The following FAH variants were observed in gnomAD, a reference collection of about 807,000 sequenced individuals.
FAH encodes fumarylacetoacetate hydrolase, also known as fumarylacetoacetase.
FAH carries 47 observed loss-of-function variants against 55.8 expected under a neutral mutation model. That is an observed-to-expected ratio of 0.84 (90% confidence interval 0.67 to 1.07). FAH has a LOEUF of 1.07. FAH is among the 50% of genes least tolerant of loss of function. FAH has a pLI of 0.00. For synonymous variants in FAH, 199 were observed against 207.7 expected, an observed-to-expected ratio of 0.96 and a Z score of 0.36; for missense variants, 495 against 545.9, an observed-to-expected ratio of 0.91 and a Z score of 0.93.
In FAH at chr15:80,153,171, G is replaced by GGGAGTGGAGTGGAGTGGAGT. The variant is rs57837512; in HGVS notation, c.81+60_81+79dup. ...GGGCTTTGGCGTCCGGGCGCGGGGA[G>GGGAGTGGAGTGGAGTGGAGT]GGAGTGGAGTGGAGTGGAGTGGAGT... On this transcript the variant is annotated intron_variant, in intron 1 of 13. Transcript: ENST00000561421. 7,130 of 1,249,732 alleles carry GGGAGTGGAGTGGAGTGGAGT rather than the reference G, an allele frequency of 5.7e-3. 153 individuals carry two copies. The highest frequency in any genetic ancestry group is 0.048 in the African/African-American group (2,767 of 58,012). 77.4% of individuals were successfully genotyped at this position (1,249,732 alleles called of 1,614,324 possible).
At chr15:80,165,172 C>T (rs748178570) in intron 5 of FAH, among the ~76,000 whole-genome samples, 4 of 152,156 alleles carry the variant, frequency 2.6e-5, no homozygotes, top group Non-Finnish European at 4.4e-5. Flanking sequence ...GTGGGTGGAT[C>T]ACAAGGTCAG....
chr15:80,174,550 C>T (rs1266519763), intron 9 of FAH, among the ~76,000 whole-genome samples: 2 of 152,208 alleles, frequency 1.3e-5, no homozygotes, highest in East Asian at 1.9e-4. Flanking sequence ...GGAGTGCAGG[C>T]GTTCTGGCCC....
rs11315019 is a variant in FAH, at chr15:80,167,530, C to CTT, written c.456-504_456-503dup. Among the ~76,000 whole-genome samples, 332 of 110,770 alleles carry CTT rather than the reference C, an allele frequency of 3.0e-3. 1 individual carries two copies. The highest frequency in any genetic ancestry group is 1.0e-2 in the African/African-American group (305 of 30,604). 72.7% of individuals were successfully genotyped at this position (110,770 alleles called of 152,430 possible). On this transcript the variant is annotated intron_variant, in intron 5 of 13. Coordinates refer to ENST00000561421, the MANE Select transcript of FAH (RefSeq NM_000137.4). ...TCTGGGAGTTAGGACATGGCTGTATCTTTTTTTTTTTTTTTTTTTGAGATG... is the reference window on the plus strand; with the variant it reads ...TCTGGGAGTTAGGACATGGCTGTATCTTTTTTTTTTTTTTTTTTTTTGAGATG...
intron 2 of FAH, among the ~76,000 whole-genome samples, chr15:80,158,955 T>C (rs942956982): frequency 1.3e-5 from 2 of 152,104 alleles, no homozygotes; most frequent in African/African-American, 4.8e-5. Flanking sequence ...CTTTTTTAAA[T>C]TAAAAAACCT....
chr15:80,185,947 T>C (rs1364999840), intron 13 of FAH, among the ~76,000 whole-genome samples, 183 bp from the exon 14 acceptor site: 1 of 152,222 alleles, frequency 6.6e-6, no homozygotes, highest in Non-Finnish European at 1.5e-5. Flanking sequence ...CAAGGGCTCC[T>C]GCGTGCAACT....
rs2041068617 is a variant in FAH at position 80,153,215 on chromosome 15, A to ATGGAG, written c.81+85_81+89dup. 7 of 789,664 alleles carry ATGGAG rather than the reference A, an allele frequency of 8.9e-6. No homozygotes were observed. In the South Asian group the frequency reaches 9.4e-5, roughly 11 times the overall value. The allele number at this position is 789,664 out of a possible 1,614,324, so 48.9% of individuals were successfully genotyped here. On this transcript the variant is annotated intron_variant, in intron 1 of 13. Transcript: ENST00000561421. ...GTGGAGTGGAGTGGAGTGGAGTGGA[A>ATGGAG]TGGAGTGGAATGAGGGGCGGGATGG...
chr15:80,159,010 G>T (rs969663938), intron 2 of FAH, among the ~76,000 whole-genome samples: 11 of 152,002 alleles, frequency 7.2e-5, no homozygotes, highest in African/African-American at 1.9e-4. Flanking sequence ...GGCCGATGTG[G>T]GCAGATCACT....
intron 7 of FAH, among the ~76,000 whole-genome samples, chr15:80,171,316 A>G (rs1278904352): frequency 6.9e-6 from 1 of 145,106 alleles, no homozygotes; most frequent in Non-Finnish European, 1.5e-5. Flanking sequence ...ATGCAGCCAT[A>G]AAAAATGATG....
At position 80,173,228 on chromosome 15, in the gene FAH, A is replaced by T. The variant is rs1386934171; in HGVS notation, c.837+84A>T. 3.8e-6 allele frequency: 6 copies of T among 1,573,324 alleles called. No homozygotes were observed. In the Admixed American group the frequency reaches 6.7e-5, roughly 17 times the overall value. On this transcript the variant is annotated intron_variant, in intron 9 of 13. Transcript: ENST00000561421. The stretch of plus-strand genomic sequence containing the variant: ...TGCCCACTGAGTGGACATGCCAGGC[A>T]TGCAGACCATCAGGAGGGAAGCTCT...
At position 80,155,938 on chromosome 15, in the gene FAH, A is replaced by T. The variant is rs897570619; in HGVS notation, c.82-2122A>T. On this transcript the variant is annotated intron_variant, in intron 1 of 13. Transcript: ENST00000561421. Reference sequence around the variant, plus strand: ...CTACTACAAACTTCAAAGAGGAACCAGGAGTACAGGAGGAACATGAAAGTG... The same window carrying T: ...CTACTACAAACTTCAAAGAGGAACCTGGAGTACAGGAGGAACATGAAAGTG... 6.3e-6 allele frequency: 3 copies of T among 477,710 alleles called. No homozygotes were observed. In the East Asian group the frequency reaches 1.7e-4, roughly 27 times the overall value. The allele number at this position is 477,710 out of a possible 1,614,324, so 29.6% of individuals were successfully genotyped here. A position where few individuals can be genotyped will look rare whatever the true frequency, so the allele number is the denominator to read the frequency against.
chr15:80,184,865 G>C (rs1030386522), intron 13 of FAH, among the ~76,000 whole-genome samples: 1 of 151,988 alleles, frequency 6.6e-6, no homozygotes, highest in African/African-American at 2.4e-5. Flanking sequence ...TGAACTCCTA[G>C]CTACCCGTCA....
In FAH at chr15:80,175,033, G is replaced by A. The variant is rs73481171; in HGVS notation, c.855G>A (p.Pro285=). ...PNPKQDPRPL[P]YLCHDEPYTF... The stretch of plus-strand genomic sequence containing the variant: ...CCTCTCAGGACCCCAGGCCCCTGCC[G>A]TATCTGTGCCATGACGAGCCCTACA... Residue 285 remains proline (P), a synonymous_variant, in exon 10 of 14, where the codon CCG becomes CCA. Transcript: ENST00000561421. The A allele has an allele frequency of 1.6e-3, 2,566 of 1,610,780 alleles. 50 individuals are homozygous for A. The African/African-American group carries it at 0.03, about 19-fold the overall frequency.
chr15:80,175,369 C>A (rs1403553123), intron 10 of FAH, among the ~76,000 whole-genome samples: 2 of 152,012 alleles, frequency 1.3e-5, no homozygotes, highest in Non-Finnish European at 2.9e-5. Context: ...CTGCTTGAAT[C>A]CCCTCCCCAG....
intron 11 of FAH, 132 bp downstream of exon 11, chr15:80,177,715 A>G: frequency 2.4e-6 from 2 of 827,698 alleles, no homozygotes; most frequent in South Asian, 1.4e-5. Flanking sequence ...TGGAGCTTCC[A>G]TGGCCTGTCT....
chr15:80,159,901 G>A (rs1390194575), intron 3 of FAH, 24 bp downstream of exon 3: 2 of 1,612,648 alleles, frequency 1.2e-6, no homozygotes, highest in Non-Finnish European at 1.7e-6. Context: ...GGTCATAGGG[G>A]GGATGAGGGG....
intron 9 of FAH, among the ~76,000 whole-genome samples, chr15:80,174,458 A>G (rs1036559045): frequency 1.3e-5 from 2 of 152,348 alleles, no homozygotes; most frequent in Admixed American, 6.5e-5. Flanking sequence ...ACACTGTTTC[A>G]TAACCATTAG....
At chr15:80,161,988 G>A (rs1172502040) in intron 4 of FAH, among the ~76,000 whole-genome samples, 4 of 152,228 alleles carry the variant, frequency 2.6e-5, no homozygotes, top group Non-Finnish European at 5.9e-5. Context: ...TCAGCCACTT[G>A]GTGTTCACAT....
Position 80,160,422 on chromosome 15 carries a change from C to T in FAH, c.327C>T (p.Ser109=). Residue 109 remains serine (S), a synonymous_variant, in exon 4 of 14, where the codon TCC becomes TCT. Transcript: ENST00000561421. ...DTELRKCAFI[S]QASATMHLPA... ...TTCTGTGTTTCAGTGCATTCATCTC[C>T]CAGGCTTCTGCCACGATGCACCTTC... is the stretch of plus-strand genomic sequence containing the variant. 1 of 1,614,214 alleles carries T rather than the reference C, an allele frequency of 6.2e-7. No homozygotes were observed. Among genetic ancestry groups the T allele is most frequent in the Non-Finnish European group, 8.5e-7 (1 of 1,180,038 alleles).
At chr15:80,175,630 C>T (rs909690295) in intron 10 of FAH, among the ~76,000 whole-genome samples, 1 of 152,236 alleles carries the variant, frequency 6.6e-6, no homozygotes, top group Non-Finnish European at 1.5e-5. Flanking sequence ...ACAGGGCCCA[C>T]ATCTCCCTGT....
Sources: gnomAD v4.1 joint callset for allele counts (sites outside exome capture counted in the v4.1 genomes callset) on GRCh38, gnomAD v4.1.1 for gene constraint, MANE v1.5 for transcripts, NCBI Gene and HGNC (gene_info 2026-07-23, HGNC 2026-07-21) for gene names.